PDE10A: variants seen among roughly 807,000 people sequenced by gnomAD.
PDE10A encodes phosphodiesterase 10A, also known as cAMP and cAMP-inhibited cGMP 3',5'-cyclic phosphodiesterase 10A.
A neutral mutation model predicts 97.7 loss-of-function variants in PDE10A; 39 were observed. The ratio of observed to expected loss-of-function variants is 0.40; its 90% CI spans 0.31 to 0.52. The LOEUF (loss-of-function observed/expected upper bound fraction) is 0.52, where lower values mean the gene tolerates loss of function less well. Among genes scored for constraint, PDE10A ranks in the 20% least tolerant of loss-of-function variants. The probability of loss-of-function intolerance (pLI) is 0.56; values close to 1 mark genes in which losing one functional copy is unlikely to be tolerated. For missense variants in PDE10A, 731 were observed against 1,047.8 expected (o/e 0.70, Z 4.17); for synonymous variants, 371 against 376.8 (o/e 0.98, Z 0.18).
intron 1 of PDE10A, chr6:165,949,779 ATCAGTGT>A (rs1306725582): frequency 6.6e-6 from 1 of 152,206 alleles, no homozygotes; most frequent in African/African-American, 2.4e-5. Flanking sequence ...GTGGTTTATC[ATCAGTGT>A]CCAGAAATTC....
At chr6:165,772,513 C>T (rs904296661) in intron 1 of PDE10A, among the ~76,000 whole-genome samples, 1 of 152,146 alleles carries the variant, frequency 6.6e-6, no homozygotes, top group Non-Finnish European at 1.5e-5. Flanking sequence ...TGTCCAGGGC[C>T]CGCGTTGCCA....
At chr6:165,537,549 T>C (rs960375228) in intron 2 of PDE10A, among the ~76,000 whole-genome samples, 2 of 151,258 alleles carry the variant, frequency 1.3e-5, no homozygotes, top group East Asian at 3.8e-4. Context: ...TAAGTATTCA[T>C]AATAATATAT....
intron 1 of PDE10A, among the ~76,000 whole-genome samples, chr6:165,851,855 C>T (rs1010395165): frequency 5.9e-5 from 9 of 152,142 alleles, no homozygotes; most frequent in Non-Finnish European, 1.0e-4. Flanking sequence ...CTTTGGGAGG[C>T]TGAGGTAGGA....
intron 2 of PDE10A, among the ~76,000 whole-genome samples, chr6:165,532,102 G>A (rs527268399): frequency 6.6e-6 from 1 of 151,930 alleles, no homozygotes; most frequent in Non-Finnish European, 1.5e-5. Flanking sequence ...CTAGCCAACC[G>A]GCTTTACACT....
chr6:165,887,720 T>G (rs1781667261), intron 1 of PDE10A, among the ~76,000 whole-genome samples: 1 of 152,196 alleles, frequency 6.6e-6, no homozygotes, highest in Admixed American at 6.5e-5. Context: ...GAGTCTGACA[T>G]TTTCTCACCA....
At chr6:165,578,128 T>C (rs1399106972) in intron 1 of PDE10A, among the ~76,000 whole-genome samples, 4 of 152,288 alleles carry the variant, frequency 2.6e-5, no homozygotes, top group South Asian at 2.1e-4. Context: ...GGGGTCCCAA[T>C]TGTGGGCCGA....
rs1397182528 is a variant in PDE10A, at chr6:165,671,917, A to T, written c.-614-128349T>A. Among the ~76,000 whole-genome samples, 1 of 152,230 alleles carries T rather than the reference A, an allele frequency of 6.6e-6. No individual in the cohort carries two copies. The highest frequency in any genetic ancestry group is 1.5e-5 in the Non-Finnish European group (1 of 68,042). On this transcript the variant is annotated intron_variant, in intron 1 of 19. Coordinates refer to the PDE10A transcript ENST00000366882. This position sits in a 1 kb window ranked among gnomAD's most constrained non-coding sequence, Gnocchi z 4.6. ...TACACATTAAATATCTCTATTTTAT[A>T]GCGAAGTTATTAATATATGCCATGA...
intron 5 of PDE10A, among the ~76,000 whole-genome samples, chr6:165,445,977 G>A (rs1790822817): frequency 1.3e-5 from 2 of 152,092 alleles, no homozygotes; most frequent in South Asian, 4.1e-4. Context: ...CCATCTGTCA[G>A]AGTTGGACGA....
At position 165,331,165 on chromosome 6, in the gene PDE10A, G is replaced by A. The variant is rs1263901309; in HGVS notation, c.*1860C>T. On this transcript the variant is annotated 3_prime_UTR_variant, in exon 22 of 22. Transcript: ENST00000539869. ...CATATGTATACGTTTACATACATGAGTGTGTATCCTATATACATCTATGTG... is the reference window on the plus strand; with the variant it reads ...CATATGTATACGTTTACATACATGAATGTGTATCCTATATACATCTATGTG... 1 of 152,062 alleles carries A rather than the reference G, an allele frequency of 6.6e-6. No homozygotes were observed. The highest frequency in any genetic ancestry group is 1.5e-5 in the Non-Finnish European group (1 of 68,010). 9.4% of individuals were successfully genotyped at this position (152,062 alleles called of 1,614,324 possible). A position where few individuals can be genotyped will look rare whatever the true frequency, so the allele number is the denominator to read the frequency against.
intron 1 of PDE10A, among the ~76,000 whole-genome samples, chr6:165,618,080 A>G (rs1202228279): frequency 6.6e-6 from 1 of 152,184 alleles, no homozygotes; most frequent in Non-Finnish European, 1.5e-5. Flanking sequence ...GAATCTAGTG[A>G]CACTGCTTCT....
At chr6:165,336,030 C>A in intron 21 of PDE10A, 93 bp downstream of exon 21, 1 of 983,850 alleles carries the variant, frequency 1.0e-6, no homozygotes, top group East Asian at 2.5e-5. Flanking sequence ...GACAAACACA[C>A]AGACCACAAC....
chr6:165,424,993 A>T (rs2128234757), intron 10 of PDE10A, among the ~76,000 whole-genome samples: 1 of 140,230 alleles, frequency 7.1e-6, no homozygotes, highest in Admixed American at 7.2e-5. Flanking sequence ...ACATCAAGGA[A>T]AATAAATATA....
intron 1 of PDE10A, among the ~76,000 whole-genome samples, chr6:165,624,326 C>T (rs60620022): frequency 0.028 from 4,288 of 152,246 alleles, 174 homozygotes; most frequent in African/African-American, 0.094. Flanking sequence ...TGTCATTCCC[C>T]GATTCAAAAC....
At chr6:165,349,905 G>C (rs1782584963) in intron 18 of PDE10A, among the ~76,000 whole-genome samples, 1 of 152,194 alleles carries the variant, frequency 6.6e-6, no homozygotes, top group East Asian at 1.9e-4. Flanking sequence ...ATTGAGGTTT[G>C]GAAACCTCCA....
intron 1 of PDE10A, among the ~76,000 whole-genome samples, chr6:165,703,500 G>A (rs1244207229): frequency 1.3e-5 from 2 of 152,202 alleles, no homozygotes; most frequent in Admixed American, 6.5e-5. Context: ...CTGAAGAAAA[G>A]TTATGCACAG....
At chr6:165,469,126 G>A (rs530624408) in intron 3 of PDE10A, among the ~76,000 whole-genome samples, 1 of 152,184 alleles carries the variant, frequency 6.6e-6, no homozygotes. Flanking sequence ...TGAGTAATAA[G>A]ATATGCATCT....
intron 1 of PDE10A, among the ~76,000 whole-genome samples, chr6:165,850,225 G>T (rs1780538197): frequency 2.0e-5 from 3 of 152,216 alleles, no homozygotes; most frequent in Admixed American, 2.0e-4. Context: ...TGGACTCCGG[G>T]AGGCGCCAAG....
At chr6:165,338,716 C>T (rs537111701) in intron 20 of PDE10A, among the ~76,000 whole-genome samples, 1 of 152,246 alleles carries the variant, frequency 6.6e-6, no homozygotes, top group African/African-American at 2.4e-5. Flanking sequence ...TCAAATTCAT[C>T]CACCCCCTCT....
chr6:165,835,368 G>T (rs568332735), intron 1 of PDE10A, among the ~76,000 whole-genome samples: 1 of 152,168 alleles, frequency 6.6e-6, no homozygotes, highest in African/African-American at 2.4e-5. Flanking sequence ...GGCCCATTCC[G>T]CTGGTCACTG....
Sources: gnomAD v4.1 joint callset for allele counts (sites outside exome capture counted in the v4.1 genomes callset) on GRCh38, gnomAD v4.1.1 for gene constraint, Gnocchi (gnomAD v3.1) non-coding constraint, MANE v1.5 for transcripts, NCBI Gene and HGNC (gene_info 2026-07-23, HGNC 2026-07-21) for gene names.